Variants in MRTFA observed in about 807,000 individuals in gnomAD.
The protein encoded by MRTFA is myocardin-related transcription factor A.
Under a neutral mutation model 83.5 loss-of-function variants are expected in MRTFA, and 20 were observed. The observed-to-expected ratio is 0.24, with a 90% CI of 0.17 to 0.35. The LOEUF (loss-of-function observed/expected upper bound fraction) is 0.35, where lower values mean the gene tolerates loss of function less well. Ranked by LOEUF, MRTFA falls within the 10% of genes least tolerant of loss-of-function variation. The pLI, the probability that MRTFA is intolerant of heterozygous loss-of-function variation, is 1.00. For missense variants in MRTFA, 1,200 were observed against 1,224.7 expected, an observed-to-expected ratio of 0.98 and a Z score of 0.30; for synonymous variants, 659 against 541.2, an observed-to-expected ratio of 1.22 and a Z score of -3.02.
intron 7 of MRTFA, among the ~76,000 whole-genome samples, chr22:40,426,758 C>A (rs2052962791): frequency 1.3e-5 from 2 of 152,168 alleles, no homozygotes; most frequent in African/African-American, 4.8e-5. Context: ...CTGCTGAGCT[C>A]CCACAGCACT....
In MRTFA at chr22:40,424,192, A is replaced by G; in HGVS notation, c.777+14T>C. The stretch of plus-strand genomic sequence containing the variant: ...ACCTTGGAGCTGGGGAAGCATCTGG[A>G]AGCACACACTCACCTGGGTGGGGGA... On this transcript the variant is annotated intron_variant, in intron 8 of 14. Coordinates refer to ENST00000355630, the MANE Select transcript of MRTFA (RefSeq NM_020831.6). 6.3e-7 allele frequency: 1 copy of G among 1,581,788 alleles called. No homozygotes were observed. Among genetic ancestry groups the G allele is most frequent in the East Asian group, 2.3e-5 (1 of 43,624 alleles).
intron 2 of MRTFA, among the ~76,000 whole-genome samples, chr22:40,563,985 GT>G (rs1420064845): frequency 6.6e-6 from 1 of 152,162 alleles, no homozygotes; most frequent in African/African-American, 2.4e-5. Context: ...CTGAATTGGG[GT>G]AGTTAAATGC....
chr22:40,487,041 CAA>C (rs970449032), intron 3 of MRTFA, among the ~76,000 whole-genome samples: 5 of 152,166 alleles, frequency 3.3e-5, no homozygotes, highest in African/African-American at 1.2e-4. Flanking sequence ...AAGAGACTAA[CAA>C]AAGAGTGTAA....
rs151173615 is a variant in MRTFA, at chr22:40,497,059, G to A, written c.242-33773C>T. ...CCAGGTGTTGTGGACACAGAAAGGTGAAACACCTGCCCAAATGGAGTTGAC... is the reference window on the plus strand; with the variant it reads ...CCAGGTGTTGTGGACACAGAAAGGTAAAACACCTGCCCAAATGGAGTTGAC... On this transcript the variant is annotated intron_variant, in intron 3 of 14. Coordinates refer to ENST00000355630, the MANE Select transcript of MRTFA (RefSeq NM_020831.6). Among the ~76,000 whole-genome samples the A allele has an allele frequency of 3.3e-5, 5 of 152,298 alleles. No homozygotes were observed. In the East Asian group the frequency reaches 9.6e-4, roughly 29 times the overall value.
intron 3 of MRTFA, among the ~76,000 whole-genome samples, chr22:40,469,603 C>T (rs2053866006): frequency 1.3e-5 from 2 of 152,260 alleles, no homozygotes; most frequent in African/African-American, 4.8e-5. Context: ...TGAACTACAC[C>T]ATCAACCAAA....
chr22:40,423,251 T>A (rs186737148), intron 9 of MRTFA, among the ~76,000 whole-genome samples: 34 of 152,310 alleles, frequency 2.2e-4, no homozygotes, highest in Admixed American at 9.1e-4. Flanking sequence ...CTTGCGGAGT[T>A]GTTGAGTGAA....
chr22:40,528,667 G>A (rs1016646770), intron 3 of MRTFA, among the ~76,000 whole-genome samples: 10 of 151,802 alleles, frequency 6.6e-5, no homozygotes, highest in South Asian at 2.1e-4. Flanking sequence ...AACTCGGGAG[G>A]TGGAGGCTGC....
At chr22:40,524,056 A>T (rs531530263) in intron 3 of MRTFA, among the ~76,000 whole-genome samples, 3 of 152,354 alleles carry the variant, frequency 2.0e-5, no homozygotes, top group Admixed American at 2.0e-4. Context: ...ATAGTCAATG[A>T]GCAAAATATA....
intron 2 of MRTFA, among the ~76,000 whole-genome samples, chr22:40,581,377 G>A (rs1037805215): frequency 1.3e-5 from 2 of 152,026 alleles, no homozygotes; most frequent in Non-Finnish European, 2.9e-5. Context: ...TGTACTGCTG[G>A]TTCATAGGAC....
At chr22:40,621,928 T>C (rs192485523) in intron 1 of MRTFA, among the ~76,000 whole-genome samples, 1 of 152,312 alleles carries the variant, frequency 6.6e-6, no homozygotes, top group African/African-American at 2.4e-5. Flanking sequence ...AGATAACAGA[T>C]GATTTAGATA....
At chr22:40,523,203 G>C (rs1481299844) in intron 3 of MRTFA, among the ~76,000 whole-genome samples, 1 of 150,206 alleles carries the variant, frequency 6.7e-6, no homozygotes, top group Non-Finnish European at 1.5e-5. Context: ...TTTCTTTTTT[G>C]TTTCCTGTTT....
At chr22:40,549,383 C>T (rs1310170438) in intron 3 of MRTFA, among the ~76,000 whole-genome samples, 1 of 152,138 alleles carries the variant, frequency 6.6e-6, no homozygotes, top group African/African-American at 2.4e-5. Context: ...ATACAATGAA[C>T]TGATTATACA....
Position 40,418,975 on chromosome 22 carries a change from G to A in MRTFA, c.1763C>T (p.Thr588Ile), listed in dbSNP as rs2052760329. The A allele has an allele frequency of 6.2e-7, 1 of 1,612,742 alleles. No individual in the cohort carries two copies. Among genetic ancestry groups the A allele is most frequent in the African/African-American group, 1.3e-5 (1 of 74,924 alleles). ...GATCTGCAGTGGCGAGGCCTGCAGG[G>A]TCAGCTGCGTCAGAGGTGATGTCAC... The change falls in exon 12 of 15, where the codon ACC (threonine) becomes ATC (isoleucine). Residue 588 changes from threonine (T) to isoleucine (I), a missense_variant. Thr to Ile is a moderately conservative substitution (Grantham distance 89). This residue lies in a region of MRTFA where 1,107 missense variants were observed against 1,041.8 expected (regional missense o/e 1.06). Coordinates refer to ENST00000355630, the MANE Select transcript of MRTFA (RefSeq NM_020831.6).
At chr22:40,487,659 T>C (rs2054195180) in intron 3 of MRTFA, among the ~76,000 whole-genome samples, 1 of 152,242 alleles carries the variant, frequency 6.6e-6, no homozygotes, top group Admixed American at 6.5e-5. Flanking sequence ...TGGTCCAACA[T>C]ACACTGAATC....
chr22:40,457,242 G>A (rs2053600875), intron 4 of MRTFA, among the ~76,000 whole-genome samples: 1 of 151,978 alleles, frequency 6.6e-6, no homozygotes, highest in African/African-American at 2.4e-5. Flanking sequence ...GCCGGTCCCT[G>A]TAATCTGAGC....
chr22:40,552,997 A>G (rs1386911698), intron 2 of MRTFA, among the ~76,000 whole-genome samples: 8 of 152,208 alleles, frequency 5.3e-5, no homozygotes, highest in Non-Finnish European at 1.0e-4. Flanking sequence ...ATGGTCTCAG[A>G]TGGAGATGAG....
At chr22:40,503,430 C>T (rs2054530038) in intron 3 of MRTFA, among the ~76,000 whole-genome samples, 1 of 152,144 alleles carries the variant, frequency 6.6e-6, no homozygotes, top group Admixed American at 6.5e-5. Context: ...GGGATGGTCT[C>T]GAACCCCTGG....
chr22:40,468,515 A>T (rs2053847657), intron 3 of MRTFA, among the ~76,000 whole-genome samples: 1 of 152,212 alleles, frequency 6.6e-6, no homozygotes, highest in Non-Finnish European at 1.5e-5. Flanking sequence ...GAAGATTCTC[A>T]GACTGTAGGG....
chr22:40,461,119 C>T (rs865902897), intron 4 of MRTFA, among the ~76,000 whole-genome samples: 18 of 142,024 alleles, frequency 1.3e-4, no homozygotes, highest in African/African-American at 4.5e-4. Flanking sequence ...GGAAGATCTG[C>T]TTGAAAGCCA....
Sources: allele counts gnomAD v4.1 joint callset (sites outside exome capture counted in the v4.1 genomes callset), GRCh38; gene constraint gnomAD v4.1.1; regional missense constraint gnomAD v4.1.1; transcripts MANE v1.5; gene names NCBI Gene and HGNC (gene_info 2026-07-23, HGNC 2026-07-21).